The following PIK3C2G variants were observed in gnomAD, a reference collection of about 807,000 sequenced individuals.
PIK3C2G encodes phosphatidylinositol 3-kinase C2 domain-containing subunit gamma.
A neutral mutation model predicts 181.1 loss-of-function variants in PIK3C2G; 168 were observed. The observed-to-expected ratio is 0.93, with a 90% CI of 0.82 to 1.05. The LOEUF (loss-of-function observed/expected upper bound fraction) is 1.05. Among genes scored for constraint, PIK3C2G ranks in the 50% least tolerant of loss-of-function variants. The probability of loss-of-function intolerance (pLI) is 0.00; values close to 1 mark genes in which losing one functional copy is unlikely to be tolerated. For synonymous variants in PIK3C2G, 573 were observed against 592.2 expected (o/e 0.97, Z 0.47); for missense variants, 1,869 against 1,732.8 (o/e 1.08, Z -1.40).
At chr12:18,341,118 A>G (rs1439103101) in intron 9 of PIK3C2G, among the ~76,000 whole-genome samples, 1 of 152,188 alleles carries the variant, frequency 6.6e-6, no homozygotes, top group African/African-American at 2.4e-5. Context: ...AGGAAAATAT[A>G]ATTTTAGGAT....
intron 31 of PIK3C2G, among the ~76,000 whole-genome samples, chr12:18,637,940 A>G (rs1949676331): frequency 6.6e-6 from 1 of 152,224 alleles, no homozygotes; most frequent in Non-Finnish European, 1.5e-5. Context: ...CTTCAACATT[A>G]AATGAAGAAT....
At chr12:18,699,232 A>G in the PIK3C2G span, among the ~76,000 whole-genome samples, 2 of 152,150 alleles carry the variant, frequency 1.3e-5, no homozygotes, top group African/African-American at 4.8e-5. Flanking sequence ...TTCCTTCACC[A>G]TAGGCATAGA....
chr12:18,443,409 T>C (rs1023536137), intron 18 of PIK3C2G, among the ~76,000 whole-genome samples: 5 of 152,178 alleles, frequency 3.3e-5, no homozygotes, highest in Middle Eastern at 3.2e-3. Flanking sequence ...TTCAATGTGA[T>C]GTGAATGTAT....
the PIK3C2G span, among the ~76,000 whole-genome samples, chr12:18,710,659 G>A: frequency 5.9e-5 from 9 of 152,070 alleles, no homozygotes; most frequent in African/African-American, 2.2e-4. Context: ...AATGAGAGGT[G>A]ATGTTGGTTG....
intron 22 of PIK3C2G, among the ~76,000 whole-genome samples, chr12:18,500,712 T>C (rs1196426403): frequency 1.3e-5 from 2 of 152,128 alleles, no homozygotes; most frequent in Non-Finnish European, 2.9e-5. Context: ...ATCAGCAGGA[T>C]GTGGGTGGAG....
At chr12:18,479,417 C>T (rs1939338266) in intron 18 of PIK3C2G, among the ~76,000 whole-genome samples, 1 of 151,936 alleles carries the variant, frequency 6.6e-6, no homozygotes, top group African/African-American at 2.4e-5. Context: ...GATCTGAATC[C>T]CCAGTCCACT....
intron 18 of PIK3C2G, among the ~76,000 whole-genome samples, chr12:18,447,674 G>T (rs1947102770): frequency 6.6e-6 from 1 of 152,070 alleles, no homozygotes; most frequent in Admixed American, 6.6e-5. Flanking sequence ...TTAAAAATAT[G>T]TAAAAATATT....
At chr12:18,284,144 G>C (rs1949341766) in intron 2 of PIK3C2G, among the ~76,000 whole-genome samples, 2 of 152,154 alleles carry the variant, frequency 1.3e-5, no homozygotes, top group African/African-American at 4.8e-5. Context: ...AGCCTTAGTA[G>C]ATAATGTCAG....
At chr12:18,337,978 A>G (rs1938704884) in intron 8 of PIK3C2G, among the ~76,000 whole-genome samples, 1 of 152,174 alleles carries the variant, frequency 6.6e-6, no homozygotes, top group South Asian at 2.1e-4. Flanking sequence ...GATTCCAAAC[A>G]ATAGGTGTAT....
intron 30 of PIK3C2G, among the ~76,000 whole-genome samples, chr12:18,595,369 G>A (rs1947306007): frequency 6.6e-6 from 1 of 152,032 alleles, no homozygotes; most frequent in Non-Finnish European, 1.5e-5. Context: ...GTATTAAAGT[G>A]TTGGTTAACC....
chr12:18,646,592 G>A (rs1297448001), intron 32 of PIK3C2G, among the ~76,000 whole-genome samples: 1 of 152,118 alleles, frequency 6.6e-6, no homozygotes, highest in Non-Finnish European at 1.5e-5. Flanking sequence ...AGGCCACCCA[G>A]TGAACTCAGA....
At chr12:18,723,292 G>A in the PIK3C2G span, 2 of 1,585,964 alleles carry the variant, frequency 1.3e-6, no homozygotes, top group Non-Finnish European at 1.7e-6. Flanking sequence ...TCCGATAAAA[G>A]TTTGAAATGC....
rs80247433 is a variant in PIK3C2G at position 18,550,767 on chromosome 12, T to A, written c.3590+4335T>A. On this transcript the variant is annotated intron_variant, in intron 26 of 32. Coordinates refer to ENST00000538779, the MANE Select transcript of PIK3C2G (RefSeq NM_001288772.2). ...AAAAGTAAGACAAGAAAACCCCTTCTCCCTTCTCCACTAGGCTCACAGATT... is the reference window on the plus strand; with the variant it reads ...AAAAGTAAGACAAGAAAACCCCTTCACCCTTCTCCACTAGGCTCACAGATT... Among the ~76,000 whole-genome samples the A allele has an allele frequency of 9.2e-3, 1,400 of 152,078 alleles. 21 individuals carry two copies. The highest frequency in any genetic ancestry group is 0.03 in the African/African-American group (1,236 of 41,520).
chr12:18,619,071 AAATTT>A (rs900759996), intron 31 of PIK3C2G, among the ~76,000 whole-genome samples: 3 of 151,088 alleles, frequency 2.0e-5, no homozygotes, highest in Non-Finnish European at 3.0e-5. Flanking sequence ...TGAAAGACAT[AAATTT>A]AATTATATTA....
At chr12:18,355,231 A>G (rs1940613073) in intron 11 of PIK3C2G, among the ~76,000 whole-genome samples, 1 of 152,332 alleles carries the variant, frequency 6.6e-6, no homozygotes, top group African/African-American at 2.4e-5. Context: ...AAGGTATTTC[A>G]GGGTCCTTTT....
the PIK3C2G span, among the ~76,000 whole-genome samples, chr12:18,667,058 A>G: frequency 1.3e-5 from 2 of 152,148 alleles, no homozygotes; most frequent in Non-Finnish European, 1.5e-5. Context: ...TGCATCCTCA[A>G]TGCATCACAG....
At chr12:18,625,556 C>A (rs1227888429) in intron 31 of PIK3C2G, among the ~76,000 whole-genome samples, 1 of 151,746 alleles carries the variant, frequency 6.6e-6, no homozygotes, top group East Asian at 1.9e-4. Flanking sequence ...AAGTGTTGTT[C>A]AAATTCAGTG....
At chr12:18,504,144 A>C (rs1162808524) in intron 23 of PIK3C2G, among the ~76,000 whole-genome samples, 1 of 152,178 alleles carries the variant, frequency 6.6e-6, no homozygotes, top group Non-Finnish European at 1.5e-5. Flanking sequence ...GAAATTCCTC[A>C]AACCTGGGTA....
intron 31 of PIK3C2G, among the ~76,000 whole-genome samples, chr12:18,617,614 T>C (rs1390565737): frequency 6.6e-6 from 1 of 152,104 alleles, no homozygotes; most frequent in South Asian, 2.1e-4. Context: ...GCATTAGCAG[T>C]CTATTTTTCT....
Sources: allele counts gnomAD v4.1 joint callset (sites outside exome capture counted in the v4.1 genomes callset), GRCh38; gene constraint gnomAD v4.1.1; transcripts MANE v1.5; gene names NCBI Gene and HGNC (gene_info 2026-07-23, HGNC 2026-07-21).